KCNN2: variants seen among roughly 807,000 people sequenced by gnomAD.
The protein encoded by KCNN2 is small conductance calcium-activated potassium channel protein 2.
In KCNN2, 24 loss-of-function variants were observed where a neutral mutation model predicts 55.5. The ratio of observed to expected loss-of-function variants is 0.43; its 90% CI spans 0.31 to 0.61. The LOEUF is 0.61. Ranked by LOEUF, KCNN2 falls within the 20% of genes least tolerant of loss-of-function variation. The pLI, the probability that KCNN2 is intolerant of heterozygous loss-of-function variation, is 0.08. For synonymous variants in KCNN2, 431 were observed against 336.1 expected, an observed-to-expected ratio of 1.28 and a Z score of -3.09; for missense variants, 754 against 853.6, an observed-to-expected ratio of 0.88 and a Z score of 1.45.
At chr5:114,318,234 C>T (rs1218356422) in intron 2 of KCNN2, among the ~76,000 whole-genome samples, 4 of 152,186 alleles carry the variant, frequency 2.6e-5, no homozygotes, top group Non-Finnish European at 4.4e-5. Context: ...AAAGGCAATA[C>T]AGTTTAAAGA....
At chr5:114,392,494 C>G (rs1758475574) in intron 2 of KCNN2, among the ~76,000 whole-genome samples, 1 of 152,136 alleles carries the variant, frequency 6.6e-6, no homozygotes, top group Non-Finnish European at 1.5e-5. Context: ...GACTTCAAGA[C>G]AGAGGAAGGT....
chr5:114,096,793 A>G (rs758114130), intron 1 of KCNN2, among the ~76,000 whole-genome samples: 4 of 152,168 alleles, frequency 2.6e-5, no homozygotes, highest in Non-Finnish European at 5.9e-5. Context: ...CTAATTGACA[A>G]CCATGCAAAC....
chr5:114,160,018 A>G (rs1752731393), intron 1 of KCNN2, among the ~76,000 whole-genome samples: 1 of 151,920 alleles, frequency 6.6e-6, no homozygotes, highest in South Asian at 2.1e-4. Flanking sequence ...TTCTGCTCTG[A>G]TGTTAGTTAT....
chr5:114,206,306 T>A (rs1753766512), intron 1 of KCNN2, among the ~76,000 whole-genome samples: 1 of 152,204 alleles, frequency 6.6e-6, no homozygotes, highest in Admixed American at 6.5e-5. Flanking sequence ...CATTTCCTTC[T>A]TCTTCTGGGA....
chr5:114,243,745 G>A (rs1051574980), intron 2 of KCNN2, among the ~76,000 whole-genome samples: 1 of 152,152 alleles, frequency 6.6e-6, no homozygotes, highest in Non-Finnish European at 1.5e-5. Flanking sequence ...ACAAGGTTTG[G>A]TATGTGGTTT....
intron 1 of KCNN2, among the ~76,000 whole-genome samples, chr5:114,205,602 A>G (rs1753752163): frequency 6.6e-6 from 1 of 152,232 alleles, no homozygotes; most frequent in Non-Finnish European, 1.5e-5. Context: ...AATATTAAGC[A>G]GAACATGTCA....
intron 2 of KCNN2, among the ~76,000 whole-genome samples, chr5:114,273,699 G>GT (rs1435447237): frequency 6.6e-6 from 1 of 151,884 alleles, no homozygotes; most frequent in Non-Finnish European, 1.5e-5. Context: ...GGATGGGGTT[G>GT]TTTTTTTCTT....
intron 2 of KCNN2, among the ~76,000 whole-genome samples, chr5:114,236,723 T>C (rs1321747246): frequency 2.0e-5 from 3 of 152,180 alleles, no homozygotes; most frequent in African/African-American, 4.8e-5. Flanking sequence ...TATATATTCA[T>C]TGCTTGGATA....
At chr5:114,217,821 A>C (rs1192880566) in intron 1 of KCNN2, among the ~76,000 whole-genome samples, 2 of 152,144 alleles carry the variant, frequency 1.3e-5, no homozygotes, top group East Asian at 3.8e-4. Context: ...AGAGAAGCCC[A>C]GACTGGAAAA....
At chr5:114,276,249 A>T (rs6594813) in intron 2 of KCNN2, among the ~76,000 whole-genome samples, 149,012 of 152,234 alleles carry the variant, frequency 0.98, 73,009 homozygotes, top group Non-Finnish European at 1. Flanking sequence ...TTACTTCCAA[A>T]TATGTGGTCA....
At chr5:114,326,324 A>G (rs2150031373) in intron 2 of KCNN2, among the ~76,000 whole-genome samples, 1 of 152,328 alleles carries the variant, frequency 6.6e-6, no homozygotes, top group East Asian at 1.9e-4. Context: ...ACAATGGGGC[A>G]GAAGGCTGAA....
At chr5:114,294,231 C>T (rs1259785279) in intron 2 of KCNN2, among the ~76,000 whole-genome samples, 1 of 152,054 alleles carries the variant, frequency 6.6e-6, no homozygotes, top group Non-Finnish European at 1.5e-5. Context: ...TTGCCTTCTG[C>T]TAGTTTTTGA....
chr5:114,452,301 A>G (rs1760728099), intron 3 of KCNN2, among the ~76,000 whole-genome samples: 1 of 152,200 alleles, frequency 6.6e-6, no homozygotes, highest in South Asian at 2.1e-4. Flanking sequence ...CTGTAATTTT[A>G]GGTGTCAGTG....
At chr5:114,061,528 T>G (rs1561458760) in intron 1 of KCNN2, among the ~76,000 whole-genome samples, 1 of 152,116 alleles carries the variant, frequency 6.6e-6, no homozygotes, top group Non-Finnish European at 1.5e-5. Flanking sequence ...CTGCCATGAT[T>G]TGTCCTTCCA....
At chr5:114,462,140 T>A (rs1341155656) in intron 3 of KCNN2, among the ~76,000 whole-genome samples, 1 of 152,156 alleles carries the variant, frequency 6.6e-6, no homozygotes, top group Non-Finnish European at 1.5e-5. Flanking sequence ...GGGTGACAAC[T>A]CTGATGGCCT....
At chr5:114,119,118 G>GAATC (rs1340581328) in intron 1 of KCNN2, among the ~76,000 whole-genome samples, 2 of 152,200 alleles carry the variant, frequency 1.3e-5, no homozygotes, top group Non-Finnish European at 2.9e-5. Flanking sequence ...ATTGCCAGGA[G>GAATC]AATCAGTTTA....
chr5:114,423,241 C>T (rs918141916), intron 3 of KCNN2, among the ~76,000 whole-genome samples: 15 of 152,052 alleles, frequency 9.9e-5, no homozygotes, highest in African/African-American at 2.9e-4. Context: ...ATAAGAGAAT[C>T]GGGCTAATTT....
At chr5:114,161,954 C>G (rs545867298) in intron 1 of KCNN2, among the ~76,000 whole-genome samples, 6 of 152,188 alleles carry the variant, frequency 3.9e-5, no homozygotes, top group Non-Finnish European at 8.8e-5. Flanking sequence ...CAAGCTTCCT[C>G]CTTTAGCTTG....
At chr5:114,330,363 T>C (rs1336063295) in intron 2 of KCNN2, among the ~76,000 whole-genome samples, 2 of 152,214 alleles carry the variant, frequency 1.3e-5, no homozygotes, top group African/African-American at 2.4e-5. Flanking sequence ...TTTCCATTTA[T>C]GCCCCAGACC....
Sources: gnomAD v4.1 joint callset for allele counts (sites outside exome capture counted in the v4.1 genomes callset) on GRCh38, gnomAD v4.1.1 for gene constraint, MANE v1.5 for transcripts, NCBI Gene and HGNC (gene_info 2026-07-23, HGNC 2026-07-21) for gene names.